C8orf34: variants seen among roughly 807,000 people sequenced by gnomAD.
C8orf34 encodes chromosome 8 open reading frame 34.
In C8orf34, 65 loss-of-function variants were observed where a neutral mutation model predicts 68.3. That is an observed-to-expected ratio of 0.95 (90% CI 0.78 to 1.17). C8orf34 has a LOEUF of 1.17. C8orf34 is among the 50% of genes most tolerant of loss of function. The probability of loss-of-function intolerance (pLI) is 0.00; values close to 1 mark genes in which losing one functional copy is unlikely to be tolerated. For missense variants in C8orf34, 664 were observed against 655.4 expected (o/e 1.01, Z -0.14); for synonymous variants, 244 against 241.2 (o/e 1.01, Z -0.11).
chr8:68,728,367 T>C (rs1821890659), intron 10 of C8orf34, among the ~76,000 whole-genome samples: 1 of 152,210 alleles, frequency 6.6e-6, no homozygotes, highest in African/African-American at 2.4e-5. Flanking sequence ...AGTTCCAAAC[T>C]TTCCCACATT....
chr8:68,634,661 A>C (rs930502065), intron 7 of C8orf34, among the ~76,000 whole-genome samples: 3 of 152,262 alleles, frequency 2.0e-5, no homozygotes, highest in Non-Finnish European at 2.9e-5. Flanking sequence ...TGTTCTTTGT[A>C]TATTTAGCAT....
chr8:68,606,947 C>T (rs1817871190), intron 7 of C8orf34, among the ~76,000 whole-genome samples: 1 of 152,106 alleles, frequency 6.6e-6, no homozygotes, highest in Non-Finnish European at 1.5e-5. Context: ...CCTCAAAGCA[C>T]TCTGGCCACA....
chr8:68,416,915 C>T (rs574533419), intron 1 of C8orf34, among the ~76,000 whole-genome samples: 1 of 152,168 alleles, frequency 6.6e-6, no homozygotes, highest in South Asian at 2.1e-4. Flanking sequence ...ATAAATGTTC[C>T]TCCTTTGTAT....
intron 8 of C8orf34, among the ~76,000 whole-genome samples, chr8:68,646,866 A>G (rs923904813): frequency 2.6e-5 from 4 of 152,174 alleles, no homozygotes; most frequent in South Asian, 2.1e-4. Flanking sequence ...CATTGATCCA[A>G]TGATGGACAC....
intron 5 of C8orf34, among the ~76,000 whole-genome samples, chr8:68,520,895 C>T (rs1477298824): frequency 6.6e-6 from 1 of 152,200 alleles, no homozygotes; most frequent in Admixed American, 6.5e-5. Flanking sequence ...TACATATTTA[C>T]TGTAGCAAAT....
At chr8:68,783,467 A>G (rs2953953) in intron 11 of C8orf34, among the ~76,000 whole-genome samples, 69,487 of 148,966 alleles carry the variant, frequency 0.47, 18,876 homozygotes, top group African/African-American at 0.76. Flanking sequence ...GCAGTGAGCC[A>G]AGATGGTGCC....
intron 1 of C8orf34, among the ~76,000 whole-genome samples, chr8:68,408,635 A>G (rs768458352): frequency 1.1e-4 from 17 of 152,188 alleles, no homozygotes; most frequent in Non-Finnish European, 1.9e-4. Flanking sequence ...GTGACGTTTC[A>G]GTCATGATGA....
At chr8:68,641,868 C>T (rs2130741104) in intron 8 of C8orf34, among the ~76,000 whole-genome samples, 1 of 152,252 alleles carries the variant, frequency 6.6e-6, no homozygotes, top group East Asian at 1.9e-4. Flanking sequence ...AAAGTCAGAA[C>T]TTAACAGAAT....
intron 7 of C8orf34, among the ~76,000 whole-genome samples, chr8:68,590,593 G>A (rs1817358065): frequency 6.6e-6 from 1 of 152,146 alleles, no homozygotes; most frequent in African/African-American, 2.4e-5. Flanking sequence ...CCAACTGCAA[G>A]ATATTAAAAT....
intron 7 of C8orf34, among the ~76,000 whole-genome samples, chr8:68,563,228 T>C (rs1816487136): frequency 6.6e-6 from 1 of 152,162 alleles, no homozygotes; most frequent in African/African-American, 2.4e-5. Flanking sequence ...GTAATTAAAA[T>C]ATTGATTTCT....
intron 7 of C8orf34, among the ~76,000 whole-genome samples, chr8:68,581,180 A>C (rs1376537955): frequency 6.6e-6 from 1 of 152,146 alleles, no homozygotes; most frequent in East Asian, 1.9e-4. Context: ...TTCTTATGCA[A>C]GTTTTGATGA....
At chr8:68,687,501 A>G (rs1820554893) in intron 8 of C8orf34, among the ~76,000 whole-genome samples, 1 of 152,092 alleles carries the variant, frequency 6.6e-6, no homozygotes, top group Admixed American at 6.6e-5. Context: ...ATACAAAACC[A>G]TAAATTAGGG....
At chr8:68,423,048 T>C (rs988226807) in intron 1 of C8orf34, among the ~76,000 whole-genome samples, 2 of 152,236 alleles carry the variant, frequency 1.3e-5, no homozygotes, top group Non-Finnish European at 2.9e-5. Flanking sequence ...AACATTTTTC[T>C]CTCCCATAGG....
chr8:68,552,066 C>T (rs1367428710), intron 7 of C8orf34, among the ~76,000 whole-genome samples: 1 of 152,100 alleles, frequency 6.6e-6, no homozygotes, highest in South Asian at 2.1e-4. Context: ...TCTGGACTCT[C>T]AATTTTATTC....
chr8:68,795,565 C>T (rs989846213), intron 12 of C8orf34, among the ~76,000 whole-genome samples: 4 of 152,106 alleles, frequency 2.6e-5, no homozygotes, highest in African/African-American at 9.7e-5. Context: ...TCTATGTTAC[C>T]TGTTGTACTC....
intron 8 of C8orf34, among the ~76,000 whole-genome samples, chr8:68,676,572 C>G (rs1481427736): frequency 6.6e-6 from 1 of 152,124 alleles, no homozygotes; most frequent in Non-Finnish European, 1.5e-5. Flanking sequence ...AACAACAGCC[C>G]AATACATATT....
chr8:68,754,629 T>G (rs1030634788), intron 10 of C8orf34, among the ~76,000 whole-genome samples: 3 of 152,200 alleles, frequency 2.0e-5, no homozygotes, highest in Non-Finnish European at 4.4e-5. Flanking sequence ...TAAATGAAGC[T>G]GTACTATTTG....
chr8:68,721,837 G>A (rs1160986610), intron 10 of C8orf34, among the ~76,000 whole-genome samples: 10 of 151,842 alleles, frequency 6.6e-5, no homozygotes, highest in Admixed American at 6.6e-4. Context: ...GAACCATTAG[G>A]TTTAAGATTT....
intron 12 of C8orf34, among the ~76,000 whole-genome samples, chr8:68,793,999 C>T (rs1217739121): frequency 2.0e-5 from 3 of 151,968 alleles, no homozygotes; most frequent in Non-Finnish European, 4.4e-5. Context: ...GAAAGTGCTG[C>T]TTAATCTAGT....
Sources: gnomAD v4.1 joint callset for allele counts (sites outside exome capture counted in the v4.1 genomes callset) on GRCh38, gnomAD v4.1.1 for gene constraint, MANE v1.5 for transcripts, NCBI Gene and HGNC (gene_info 2026-07-23, HGNC 2026-07-21) for gene names.